The following RHOBTB1 variants were observed in gnomAD, a reference collection of about 807,000 sequenced individuals.
RHOBTB1 encodes rho-related BTB domain-containing protein 1.
RHOBTB1 carries 40 observed loss-of-function variants against 71.6 expected under a neutral mutation model. The ratio of observed to expected loss-of-function variants is 0.56; its 90% CI spans 0.43 to 0.73. The LOEUF (loss-of-function observed/expected upper bound fraction) is 0.73. Ranked by LOEUF, RHOBTB1 falls within the 30% of genes least tolerant of loss-of-function variation. The pLI is 0.00. For synonymous variants in RHOBTB1, 319 were observed against 334.9 expected, an observed-to-expected ratio of 0.95 and a Z score of 0.52; for missense variants, 797 against 894.0, an observed-to-expected ratio of 0.89 and a Z score of 1.38.
intron 1 of RHOBTB1, among the ~76,000 whole-genome samples, chr10:60,995,546 A>C (rs2087019823): frequency 6.6e-6 from 1 of 152,196 alleles, no homozygotes; most frequent in African/African-American, 2.4e-5. Flanking sequence ...TGATTAATTT[A>C]AATATTGGCC....
At chr10:60,888,132 C>T in intron 6 of RHOBTB1, 80 bp downstream of exon 6, 8 of 1,479,662 alleles carry the variant, frequency 5.4e-6, no homozygotes, top group Non-Finnish European at 6.4e-6. Context: ...TATCGTTCTT[C>T]TTTCTCCTGC....
intron 2 of RHOBTB1, among the ~76,000 whole-genome samples, chr10:60,914,894 C>T (rs987568060): frequency 6.6e-6 from 1 of 152,162 alleles, no homozygotes; most frequent in Admixed American, 6.6e-5. Context: ...AAGGTGCTGA[C>T]CCTTGTGCAA....
At chr10:60,992,230 C>T (rs1053548601) in intron 1 of RHOBTB1, among the ~76,000 whole-genome samples, 3 of 152,110 alleles carry the variant, frequency 2.0e-5, no homozygotes, top group African/African-American at 4.8e-5. Flanking sequence ...TTCTCATTCA[C>T]GCTTAGTAGT....
chr10:60,908,951 A>C (rs2082823595), intron 4 of RHOBTB1, among the ~76,000 whole-genome samples: 1 of 152,120 alleles, frequency 6.6e-6, no homozygotes, highest in African/African-American at 2.4e-5. Flanking sequence ...GGCTTGGGGG[A>C]GCACTTCCTG....
chr10:60,923,271 A>G (rs1367889515), intron 2 of RHOBTB1, among the ~76,000 whole-genome samples: 3 of 152,256 alleles, frequency 2.0e-5, no homozygotes, highest in Non-Finnish European at 4.4e-5. Flanking sequence ...AACATGCTAT[A>G]TAAAACAGCA....
chr10:60,960,918 C>T (rs1038340796), intron 2 of RHOBTB1, among the ~76,000 whole-genome samples: 3 of 152,134 alleles, frequency 2.0e-5, no homozygotes, highest in South Asian at 2.1e-4. Context: ...CATTGTCAAA[C>T]TCTCCCCTTC....
At chr10:60,951,944 G>T (rs927502643) in intron 2 of RHOBTB1, among the ~76,000 whole-genome samples, 4 of 152,030 alleles carry the variant, frequency 2.6e-5, no homozygotes, top group Non-Finnish European at 5.9e-5. Flanking sequence ...TGTAATCCCA[G>T]TTACTCAGGA....
intron 1 of RHOBTB1, among the ~76,000 whole-genome samples, chr10:61,000,514 TA>T (rs2087224321): frequency 6.6e-6 from 1 of 152,166 alleles, no homozygotes; most frequent in Non-Finnish European, 1.5e-5. Context: ...TCTCTAAAAC[TA>T]TACGGTAAAC....
At chr10:60,930,817 C>T (rs574504363) in intron 2 of RHOBTB1, among the ~76,000 whole-genome samples, 53 of 152,226 alleles carry the variant, frequency 3.5e-4, no homozygotes, top group African/African-American at 1.3e-3. Context: ...TTCTTCATCC[C>T]TTCTTACAGG....
rs756158143 is a variant in RHOBTB1, at chr10:60,888,982, A to G, written c.686T>C (p.Leu229Pro). 6.2e-7 allele frequency: 1 copy of G among 1,614,138 alleles called. No homozygotes were observed. Among genetic ancestry groups the G allele is most frequent in the Non-Finnish European group, 8.5e-7 (1 of 1,180,028 alleles). Residue 229 changes from leucine (L) to proline (P), a missense_variant, in exon 6 of 11, where the codon CTT (leucine) becomes CCT (proline). Around this residue, in one of 2 missense-constraint regions of RHOBTB1, gnomAD observed 658 missense variants for 681.5 expected, o/e 0.97. Transcript: ENST00000337910. The stretch of plus-strand genomic sequence containing the variant: ...TTTTGGAGGTAGGAAGGGTGCCTGA[A>G]GTAAAGGTTTCTGGACTTTCTTTAG... ...SHLKKVQKPL[L>P]QAPFLPPKAP...
At chr10:60,869,142 C>A (rs185331083), downstream of RHOBTB1, among the ~76,000 whole-genome samples, 3 of 152,312 alleles carry the variant, frequency 2.0e-5, no homozygotes, top group Admixed American at 2.0e-4. Context: ...TATACTAAGT[C>A]CTGTAGGATA....
chr10:60,980,775 T>G (rs921798066), intron 2 of RHOBTB1, among the ~76,000 whole-genome samples: 1 of 152,116 alleles, frequency 6.6e-6, no homozygotes, highest in Non-Finnish European at 1.5e-5. Context: ...GTAGAAATGA[T>G]TAGGTTATGA....
intron 1 of RHOBTB1, among the ~76,000 whole-genome samples, chr10:60,986,404 G>GATATATATATATATATATAT (rs34154360): frequency 1.2e-4 from 8 of 67,630 alleles, no homozygotes; most frequent in African/African-American, 3.2e-4. Flanking sequence ...ATAAATAAAA[G>GATATATATATATATATATAT]ATATATATAT....
intron 2 of RHOBTB1, among the ~76,000 whole-genome samples, chr10:60,924,512 AAG>A (rs148672891): frequency 3.3e-5 from 5 of 151,028 alleles, no homozygotes; most frequent in Admixed American, 6.6e-5. Flanking sequence ...ATTAGAGCTA[AAG>A]AGAGAGAGAG....
At chr10:60,999,749 C>T (rs1202001648) in intron 1 of RHOBTB1, among the ~76,000 whole-genome samples, 3 of 152,226 alleles carry the variant, frequency 2.0e-5, no homozygotes, top group African/African-American at 7.2e-5. Context: ...AACCTGCATG[C>T]CCTCCCTGTT....
chr10:60,964,195 GTTAGGTACTTAGGAA>G (rs2085879771), intron 2 of RHOBTB1, among the ~76,000 whole-genome samples: 1 of 152,028 alleles, frequency 6.6e-6, no homozygotes, highest in African/African-American at 2.4e-5. Flanking sequence ...GGTTTTGCTC[GTTAGGTACTTAGGAA>G]TAAACATGTT....
At chr10:60,953,880 C>T (rs1043216401) in intron 2 of RHOBTB1, among the ~76,000 whole-genome samples, 1 of 152,150 alleles carries the variant, frequency 6.6e-6, no homozygotes, top group African/African-American at 2.4e-5. Context: ...TCTTACTACA[C>T]ATTAATGAGG....
At chr10:60,893,039 G>T (rs775447482) in intron 4 of RHOBTB1, 44 bp from the exon 5 acceptor site, 7 of 1,483,804 alleles carry the variant, frequency 4.7e-6, no homozygotes, top group South Asian at 1.3e-5. Context: ...CTTTTAACAG[G>T]TTTTTTCTTT....
intron 2 of RHOBTB1, among the ~76,000 whole-genome samples, chr10:60,962,228 A>G (rs1383692071): frequency 6.6e-6 from 1 of 152,146 alleles, no homozygotes; most frequent in Non-Finnish European, 1.5e-5. Flanking sequence ...ATATGCAGCT[A>G]GCAGTCTGTA....
Sources: allele counts gnomAD v4.1 joint callset (sites outside exome capture counted in the v4.1 genomes callset), GRCh38; gene constraint gnomAD v4.1.1; regional missense constraint gnomAD v4.1.1; transcripts MANE v1.5; gene names NCBI Gene and HGNC (gene_info 2026-07-23, HGNC 2026-07-21).